The following XXYLT1 variants were observed in gnomAD, a reference collection of about 807,000 sequenced individuals.
XXYLT1 encodes xyloside xylosyltransferase 1, also known as UDP-xylose:alpha-xyloside alpha-1,3-xylosyltransferase.
Under a neutral mutation model 28.9 loss-of-function variants are expected in XXYLT1, and 20 were observed. The ratio of observed to expected loss-of-function variants is 0.69; its 90% confidence interval spans 0.49 to 1.00. XXYLT1 has a LOEUF of 1.00. Ranked by LOEUF, XXYLT1 falls within the 50% of genes least tolerant of loss-of-function variation. The pLI is 0.00. For synonymous variants in XXYLT1, 257 were observed against 253.8 expected (o/e 1.01, Z -0.12); for missense variants, 542 against 560.1 (o/e 0.97, Z 0.33).
At chr3:195,153,112 G>C (rs1394653402) in intron 3 of XXYLT1, among the ~76,000 whole-genome samples, 1 of 152,168 alleles carries the variant, frequency 6.6e-6, no homozygotes, top group East Asian at 1.9e-4. Flanking sequence ...GGGCTGCGCT[G>C]TCCCTGCTTC....
At chr3:195,197,186 C>T (rs949387402) in intron 2 of XXYLT1, among the ~76,000 whole-genome samples, 23 of 152,194 alleles carry the variant, frequency 1.5e-4, no homozygotes, top group African/African-American at 5.5e-4. Context: ...CCTGTAATCC[C>T]AGCACTTTGG....
chr3:195,082,807 TGG>T (rs1234244116), intron 3 of XXYLT1, among the ~76,000 whole-genome samples: 2 of 151,262 alleles, frequency 1.3e-5, no homozygotes, highest in Non-Finnish European at 3.0e-5. Context: ...CCGAGATCAC[TGG>T]GTAACAGAGT....
Position 195,115,453 on chromosome 3 carries a change from G to A in XXYLT1, c.785+40996C>T, listed in dbSNP as rs1219073397. 2.6e-5 allele frequency among the ~76,000 whole-genome samples: 4 copies of A among 152,156 alleles called. No individual in the cohort carries two copies. Among genetic ancestry groups the A allele is most frequent in the Non-Finnish European group, 5.9e-5 (4 of 68,032 alleles). ...AGGCCCAGCCGGAAACCTGCCCCTT[G>A]AGCCCCTCCAACAATGTTGTAAGCA... On this transcript the variant is annotated intron_variant, in intron 3 of 3. Coordinates refer to ENST00000310380, the MANE Select transcript of XXYLT1 (RefSeq NM_152531.5). This position sits in a 1 kb window ranked among gnomAD's most constrained non-coding sequence, Gnocchi z 4.2.
chr3:195,117,207 G>A (rs1032890901), intron 3 of XXYLT1, among the ~76,000 whole-genome samples: 1 of 151,594 alleles, frequency 6.6e-6, no homozygotes, highest in African/African-American at 2.4e-5. Context: ...GCACTAGCTC[G>A]GAAGGACACA....
chr3:195,180,627 A>G lies in XXYLT1; in HGVS notation c.653-24046T>C. On this transcript the variant is annotated intron_variant, in intron 2 of 3. Coordinates refer to ENST00000310380, the MANE Select transcript of XXYLT1 (RefSeq NM_152531.5). This position sits in a 1 kb window ranked among gnomAD's most constrained non-coding sequence, Gnocchi z 5.8. Reference sequence around the variant, plus strand: ...GGCCCCGTCTGGCTAAGAGCACCAGACGGCGGTGGCTGGAGCACCCCGTGC... The same window carrying G: ...GGCCCCGTCTGGCTAAGAGCACCAGGCGGCGGTGGCTGGAGCACCCCGTGC... The G allele has an allele frequency of 2.2e-6, 2 of 899,496 alleles. No homozygotes were observed. The highest frequency in any genetic ancestry group is 2.7e-6 in the Non-Finnish European group (2 of 751,616). The allele number at this position is 899,496 out of a possible 1,614,324, so 55.7% of individuals were successfully genotyped here.
chr3:195,092,731 A>G (rs1248105727), intron 3 of XXYLT1, among the ~76,000 whole-genome samples: 1 of 113,780 alleles, frequency 8.8e-6, no homozygotes, highest in Admixed American at 8.2e-5. Flanking sequence ...CTACCATCAG[A>G]GTGAACAGGC....
intron 2 of XXYLT1, among the ~76,000 whole-genome samples, chr3:195,200,231 G>A (rs908338378): frequency 9.2e-5 from 14 of 152,340 alleles, no homozygotes; most frequent in Non-Finnish European, 1.3e-4. Flanking sequence ...GTGAAGCAGC[G>A]TGGCGAAGCA....
At chr3:195,166,685 T>C (rs945789008) in intron 2 of XXYLT1, among the ~76,000 whole-genome samples, 2 of 152,010 alleles carry the variant, frequency 1.3e-5, no homozygotes, top group Non-Finnish European at 2.9e-5. Context: ...TTTTTTTTTA[T>C]TGATTTATTG....
chr3:195,246,505 G>C (rs1335335248), intron 1 of XXYLT1, among the ~76,000 whole-genome samples: 1 of 152,192 alleles, frequency 6.6e-6, no homozygotes, highest in Non-Finnish European at 1.5e-5. Context: ...GAATTTCCAG[G>C]ATGACCATGA....
At chr3:195,269,957 T>C (rs954544229) in intron 1 of XXYLT1, 1 of 166,828 alleles carries the variant, frequency 6.0e-6, no homozygotes, top group Non-Finnish European at 1.3e-5. Context: ...CCTCTTGAGC[T>C]TTCTCTTCCT....
In XXYLT1 at chr3:195,124,093, A is replaced by C. The variant is rs1718499528; in HGVS notation, c.785+32356T>G. Among the ~76,000 whole-genome samples, 1 of 152,212 alleles carries C rather than the reference A, an allele frequency of 6.6e-6. No individual in the cohort carries two copies. Among genetic ancestry groups the C allele is most frequent in the African/African-American group, 2.4e-5 (1 of 41,460 alleles). ...TAAAATGTACGTATTTCTCAAACTT[A>C]CTTGATCATTACACCCTTTTCTTCC... On this transcript the variant is annotated intron_variant, in intron 3 of 3. Transcript: ENST00000310380. This position sits in a 1 kb window ranked among gnomAD's most constrained non-coding sequence, Gnocchi z 4.1.
intron 2 of XXYLT1, among the ~76,000 whole-genome samples, chr3:195,181,152 G>T (rs1223123909): frequency 6.6e-6 from 1 of 152,216 alleles, no homozygotes; most frequent in African/African-American, 2.4e-5. Flanking sequence ...AGAACACTGT[G>T]CTTCTCCTGA....
chr3:195,256,997 T>C lies in XXYLT1; in HGVS notation c.504+13558A>G, dbSNP rs1050329108. On this transcript the variant is annotated intron_variant, in intron 1 of 3. Transcript: ENST00000310380. This position sits in a 1 kb window ranked among gnomAD's most constrained non-coding sequence, Gnocchi z 4.2. ...TTCATGGTAATGCAAGGGGGACAGTTCCAAAACCCAAAACACCGCTGACAC... is the reference window on the plus strand; with the variant it reads ...TTCATGGTAATGCAAGGGGGACAGTCCCAAAACCCAAAACACCGCTGACAC... Among the ~76,000 whole-genome samples the C allele has an allele frequency of 6.6e-6, 1 of 152,124 alleles. No individual in the cohort carries two copies. Among genetic ancestry groups the C allele is most frequent in the Non-Finnish European group, 1.5e-5 (1 of 68,006 alleles).
At chr3:195,185,120 AGG>A in intron 2 of XXYLT1, among the ~76,000 whole-genome samples, 1 of 140,976 alleles carries the variant, frequency 7.1e-6, no homozygotes, top group African/African-American at 3.1e-5. Flanking sequence ...GAAGGAAGGA[AGG>A]AAGGAAGGAA....
intron 1 of XXYLT1, among the ~76,000 whole-genome samples, chr3:195,233,056 G>A (rs1179010524): frequency 3.3e-5 from 5 of 152,146 alleles, no homozygotes; most frequent in Non-Finnish European, 5.9e-5. Context: ...ATATCTGAGT[G>A]CACTAGTGTT....
Position 195,271,004 on chromosome 3 carries a change from C to T in XXYLT1, c.55G>A (p.Ala19Thr), listed in dbSNP as rs755813552. 1 of 1,475,776 alleles carries T rather than the reference C, an allele frequency of 6.8e-7. No individual in the cohort carries two copies. The highest frequency in any genetic ancestry group is 8.9e-7 in the Non-Finnish European group (1 of 1,118,386). The allele number at this position is 1,475,776 out of a possible 1,614,324, so 91.4% of individuals were successfully genotyped here. A position where few individuals can be genotyped will look rare whatever the true frequency, so the allele number is the denominator to read the frequency against. The change falls in exon 1 of 4, where the codon GCT (alanine) becomes ACT (threonine). Residue 19 changes from alanine to threonine, a missense_variant. By Grantham distance (58) the Ala-to-Thr change is moderately conservative. Coordinates refer to ENST00000310380, the MANE Select transcript of XXYLT1 (RefSeq NM_152531.5). ...AGGGCGCAGTAGTGGGAGCGCACAG[C>T]GCCCAGGCGCGCCATGGCCCGAGCG... Reference protein sequence around the residue: ...PCARAMARLGAVRSHYCALLL... With the variant: ...PCARAMARLGTVRSHYCALLL...
At position 195,210,919 on chromosome 3, in the gene XXYLT1, G is replaced by A. The variant is rs1426943908; in HGVS notation, c.652+15790C>T. Among the ~76,000 whole-genome samples the A allele has an allele frequency of 6.6e-6, 1 of 152,172 alleles. No homozygotes were observed. Among genetic ancestry groups the A allele is most frequent in the African/African-American group, 2.4e-5 (1 of 41,438 alleles). ...CCCCCAGCTGAACGCTGACAGTCAA[G>A]GGCAGCACCCGCCACAGCAGGAATC... On this transcript the variant is annotated intron_variant, in intron 2 of 3. Coordinates refer to ENST00000310380, the MANE Select transcript of XXYLT1 (RefSeq NM_152531.5). This position sits in a 1 kb window ranked among gnomAD's most constrained non-coding sequence, Gnocchi z 4.8.
intron 2 of XXYLT1, among the ~76,000 whole-genome samples, chr3:195,226,091 A>T (rs1724035884): frequency 6.6e-6 from 1 of 152,162 alleles, no homozygotes; most frequent in Admixed American, 6.5e-5. Flanking sequence ...GAAACCAGAC[A>T]CACTCTAGGA....
intron 3 of XXYLT1, among the ~76,000 whole-genome samples, chr3:195,132,990 A>G (rs942460933): frequency 1.3e-5 from 2 of 152,226 alleles, no homozygotes; most frequent in African/African-American, 4.8e-5. Context: ...GGGCAGAAGT[A>G]ACTACATTCT....
Sources: gnomAD v4.1 joint callset for allele counts (sites outside exome capture counted in the v4.1 genomes callset) on GRCh38, gnomAD v4.1.1 for gene constraint, Gnocchi (gnomAD v3.1) non-coding constraint, MANE v1.5 for transcripts, NCBI Gene and HGNC (gene_info 2026-07-23, HGNC 2026-07-21) for gene names.